SLC31A2: variants seen among roughly 807,000 people sequenced by gnomAD.
The protein encoded by SLC31A2 is solute carrier family 31 member 2.
SLC31A2 carries 16 observed loss-of-function variants against 14.4 expected under a neutral mutation model. The ratio of observed to expected loss-of-function variants is 1.11; its 90% CI spans 0.75 to 1.69. The LOEUF is 1.69. SLC31A2 is among the 40% of genes most tolerant of loss of function. The pLI, the probability that SLC31A2 is intolerant of heterozygous loss-of-function variation, is 0.00. For missense variants in SLC31A2, 140 were observed against 173.9 expected (o/e 0.81, Z 1.10); for synonymous variants, 56 against 68.7 (o/e 0.82, Z 0.91).
chr9:113,157,226 T>C (rs903472971), intron 1 of SLC31A2, among the ~76,000 whole-genome samples: 1 of 152,164 alleles, frequency 6.6e-6, no homozygotes, highest in Non-Finnish European at 1.5e-5. Context: ...AGTGAATGAG[T>C]AGGCAGATGT....
At chr9:113,157,080 A>G (rs971963373) in intron 1 of SLC31A2, among the ~76,000 whole-genome samples, 17 of 152,220 alleles carry the variant, frequency 1.1e-4, no homozygotes, top group African/African-American at 4.1e-4. Context: ...CACCCTCTGA[A>G]AAGGCATCTG....
intron 2 of SLC31A2, chr9:113,158,094 A>G (rs980311626): frequency 5.9e-6 from 3 of 509,842 alleles, no homozygotes; most frequent in Non-Finnish European, 1.2e-5. Context: ...GCAGGGTCAC[A>G]CAGTAAGTAC....
chr9:113,156,322 TGA>T (rs1346209005), intron 1 of SLC31A2: 2 of 389,456 alleles, frequency 5.1e-6, no homozygotes, highest in African/African-American at 4.1e-5. Context: ...CACCTGGAAA[TGA>T]GAGGGGGTGG....
chr9:113,161,253 T>G, intron 2 of SLC31A2: 3 of 466,570 alleles, frequency 6.4e-6, no homozygotes, highest in Non-Finnish European at 7.6e-6. Flanking sequence ...GCTGGGGGAG[T>G]GGGTGGGGTA....
Position 113,161,875 on chromosome 9 carries a change from C to G in SLC31A2, c.263+177C>G, listed in dbSNP as rs866990308. 1.1e-5 allele frequency: 8 copies of G among 730,882 alleles called. 1 individual carries two copies. In the Middle Eastern group the frequency reaches 1.4e-3, roughly 125 times the overall value. 45.3% of individuals were successfully genotyped at this position (730,882 alleles called of 1,614,324 possible). On this transcript the variant is annotated intron_variant, in intron 3 of 3. Coordinates refer to ENST00000259392, the MANE Select transcript of SLC31A2 (RefSeq NM_001860.3). ...GAACTAGAGCTCATGTCTCCTGATG[C>G]CCAGGCCAAAGCACTCTGTGAACAG...
chr9:113,152,845 C>T (rs1829885341), intron 1 of SLC31A2, among the ~76,000 whole-genome samples: 1 of 152,198 alleles, frequency 6.6e-6, no homozygotes, highest in South Asian at 2.1e-4. Flanking sequence ...AGATAACTGG[C>T]CCAGGCCCAA....
In SLC31A2 at chr9:113,163,448, G is replaced by A. The variant is rs1188616960; in HGVS notation, c.*531G>A. On this transcript the variant is annotated 3_prime_UTR_variant, in exon 4 of 4. Transcript: ENST00000259392. ...AACACATGAAGATCATCTCGTCTAT[G>A]GATCATGTTGACAAACTAAGTTTTT... 1 of 152,644 alleles carries A rather than the reference G, an allele frequency of 6.6e-6. No homozygotes were observed. The highest frequency in any genetic ancestry group is 2.4e-5 in the African/African-American group (1 of 41,434). 9.5% of individuals were successfully genotyped at this position (152,644 alleles called of 1,614,324 possible).
intron 1 of SLC31A2, among the ~76,000 whole-genome samples, chr9:113,152,662 C>T (rs554024088): frequency 5.9e-5 from 9 of 152,322 alleles, no homozygotes; most frequent in African/African-American, 2.2e-4. Flanking sequence ...CTTAAATGTC[C>T]CCCCTCATAG....
intron 2 of SLC31A2, among the ~76,000 whole-genome samples, chr9:113,159,130 A>G (rs1025879867): frequency 6.6e-6 from 1 of 152,072 alleles, no homozygotes; most frequent in Non-Finnish European, 1.5e-5. Context: ...GGGTGGGAAG[A>G]AAACTGATCT....
chr9:113,159,375 C>T (rs1277645030), intron 2 of SLC31A2, among the ~76,000 whole-genome samples: 5 of 152,144 alleles, frequency 3.3e-5, no homozygotes, highest in African/African-American at 4.8e-5. Flanking sequence ...TCAAGTGATC[C>T]ACCCACCTCG....
chr9:113,154,624 C>G (rs75071814), intron 1 of SLC31A2, among the ~76,000 whole-genome samples: 8,791 of 152,318 alleles, frequency 0.058, 390 homozygotes, highest in African/African-American at 0.13. Context: ...TGCTGTCCCT[C>G]TACACTAAGC....
At position 113,158,730 on chromosome 9, in the gene SLC31A2, G is replaced by A. The variant is rs952851174; in HGVS notation, c.73+937G>A. On this transcript the variant is annotated intron_variant, in intron 2 of 3. Coordinates refer to ENST00000259392, the MANE Select transcript of SLC31A2 (RefSeq NM_001860.3). ...TCGCAAGAGAACAAGGTAGAAGTAC[G>A]TGGGATTTTCAAGACCTAGCCTTGG... Among the ~76,000 whole-genome samples, 6 of 152,176 alleles carry A rather than the reference G, an allele frequency of 3.9e-5. No homozygotes were observed. In the East Asian group the frequency reaches 1.2e-3, roughly 29 times the overall value.
rs1403665171 is a variant in SLC31A2, at chr9:113,163,607, A to ATAAG, written c.*692_*695dup. On this transcript the variant is annotated 3_prime_UTR_variant, in exon 4 of 4. Coordinates refer to ENST00000259392, the MANE Select transcript of SLC31A2 (RefSeq NM_001860.3). ...CCTATTTCCCTTTCTTGGGGAGAGA[A>ATAAG]TAAGTGACAGCTGATTAAAGGCAGA... is the stretch of plus-strand genomic sequence containing the variant. The ATAAG allele has an allele frequency of 2.6e-5, 4 of 152,464 alleles. No homozygotes were observed. Among genetic ancestry groups the ATAAG allele is most frequent in the Non-Finnish European group, 4.4e-5 (3 of 68,038 alleles). 9.4% of individuals were successfully genotyped at this position (152,464 alleles called of 1,614,324 possible). A position where few individuals can be genotyped will look rare whatever the true frequency, so the allele number is the denominator to read the frequency against.
At position 113,151,096 on chromosome 9, in the gene SLC31A2, T is replaced by C. The variant is rs954950072; in HGVS notation, c.6+16T>C. 5.4e-6 allele frequency: 7 copies of C among 1,304,818 alleles called. No homozygotes were observed. The African/African-American group carries it at 6.1e-5, about 11-fold the overall frequency. The allele number at this position is 1,304,818 out of a possible 1,614,324, so 80.8% of individuals were successfully genotyped here. On this transcript the variant is annotated intron_variant, in intron 1 of 3. Transcript: ENST00000259392. The surrounding 1 kb of genome is among the most constrained non-coding windows in gnomAD (Gnocchi z 4.2). Reference sequence around the variant, plus strand: ...CACCATGGCGGTAAGGGCCGGGCGCTACGGTGAAGAGGGTGGGCGGTTGGG... The same window carrying C: ...CACCATGGCGGTAAGGGCCGGGCGCCACGGTGAAGAGGGTGGGCGGTTGGG...
Position 113,151,631 on chromosome 9 carries a change from C to T in SLC31A2, c.6+551C>T, listed in dbSNP as rs1829868283. 6.6e-6 allele frequency: 1 copy of T among 152,428 alleles called. No individual in the cohort carries two copies. Among genetic ancestry groups the T allele is most frequent in the African/African-American group, 2.4e-5 (1 of 41,454 alleles). The allele number at this position is 152,428 out of a possible 1,614,324, so 9.4% of individuals were successfully genotyped here. ...TTCAGTCAGAAAACAGCGTTTCAGACAAGCTGTTTTTCTTGGTAGGGTTCA... is the reference window on the plus strand; with the variant it reads ...TTCAGTCAGAAAACAGCGTTTCAGATAAGCTGTTTTTCTTGGTAGGGTTCA... On this transcript the variant is annotated intron_variant, in intron 1 of 3. Transcript: ENST00000259392. The surrounding 1 kb of genome is among the most constrained non-coding windows in gnomAD (Gnocchi z 4.2).
chr9:113,161,562 A>C lies in SLC31A2; in HGVS notation c.127A>C (p.Ile43Leu), dbSNP rs1830012680. The C allele has an allele frequency of 6.2e-7, 1 of 1,613,930 alleles. No homozygotes were observed. The highest frequency in any genetic ancestry group is 1.1e-5 in the South Asian group (1 of 91,092). Residue 43 changes from isoleucine to leucine, a missense_variant, in exon 3 of 4, where the codon ATC becomes CTC. Coordinates refer to ENST00000259392, the MANE Select transcript of SLC31A2 (RefSeq NM_001860.3). Reference sequence around the variant, plus strand: ...GCTTCTGGCTGTACTGTATGAAGGCATCAAGGTTGGCAAAGCCAAGCTGCT... The same window carrying C: ...GCTTCTGGCTGTACTGTATGAAGGCCTCAAGGTTGGCAAAGCCAAGCTGCT... ...LLLLAVLYEGIKVGKAKLLNQ... is the reference protein window; with the variant it reads ...LLLLAVLYEGLKVGKAKLLNQ...
chr9:113,151,178 G>A lies in SLC31A2; in HGVS notation c.6+98G>A, dbSNP rs1829858313. 3.3e-6 allele frequency: 4 copies of A among 1,202,910 alleles called. No homozygotes were observed. Among genetic ancestry groups the A allele is most frequent in the African/African-American group, 1.6e-5 (1 of 63,894 alleles). 74.5% of individuals were successfully genotyped at this position (1,202,910 alleles called of 1,614,324 possible). ...CCCGAATCCTCGCTGCCGCTGGCCC[G>A]GGGCTGGTGAAGGGTGTGTTGGCAG... On this transcript the variant is annotated intron_variant, in intron 1 of 3. Coordinates refer to ENST00000259392, the MANE Select transcript of SLC31A2 (RefSeq NM_001860.3). The surrounding 1 kb of genome is among the most constrained non-coding windows in gnomAD (Gnocchi z 4.2).
At chr9:113,156,101 A>G (rs1475882765) in intron 1 of SLC31A2, 1 of 518,748 alleles carries the variant, frequency 1.9e-6, no homozygotes, top group East Asian at 5.4e-5. Context: ...TCCTGACAAA[A>G]TGGCAGCTAA....
chr9:113,159,617 C>T (rs527890133), intron 2 of SLC31A2, among the ~76,000 whole-genome samples: 4 of 152,186 alleles, frequency 2.6e-5, no homozygotes, highest in Non-Finnish European at 4.4e-5. Context: ...GATGTGTAGG[C>T]TTTCCCTCAG....
Sources: gnomAD v4.1 joint callset for allele counts (sites outside exome capture counted in the v4.1 genomes callset) on GRCh38, gnomAD v4.1.1 for gene constraint, Gnocchi (gnomAD v3.1) non-coding constraint, MANE v1.5 for transcripts, NCBI Gene and HGNC (gene_info 2026-07-23, HGNC 2026-07-21) for gene names.